SIPA1L3: variants seen among roughly 807,000 people sequenced by gnomAD.
SIPA1L3 encodes signal induced proliferation associated 1 like 3, also known as signal-induced proliferation-associated 1-like protein 3.
SIPA1L3 carries 59 observed loss-of-function variants against 150.1 expected under a neutral mutation model. That is an observed-to-expected ratio of 0.39 (90% CI 0.32 to 0.49). The LOEUF is 0.49. Ranked by LOEUF, SIPA1L3 falls within the 20% of genes least tolerant of loss-of-function variation. The pLI, the probability that SIPA1L3 is intolerant of heterozygous loss-of-function variation, is 0.86. For missense variants in SIPA1L3, 2,211 were observed against 2,489.5 expected (o/e 0.89, Z 2.38); for synonymous variants, 1,070 against 1,077.6 (o/e 0.99, Z 0.14).
Position 38,081,705 on chromosome 19 carries a change from C to T in SIPA1L3, c.140C>T (p.Ser47Phe). Reference protein sequence around the residue: ...LGFWAQNGSMSQPLGESPATA... With the variant: ...LGFWAQNGSMFQPLGESPATA... Reference sequence around the variant, plus strand: ...TTCTGGGCCCAGAATGGCAGCATGTCCCAGCCTCTTGGCGAGAGCCCGGCC... The same window carrying T: ...TTCTGGGCCCAGAATGGCAGCATGTTCCAGCCTCTTGGCGAGAGCCCGGCC... The change falls in exon 3 of 22, where the codon TCC (serine) becomes TTC (phenylalanine). Residue 47 changes from serine to phenylalanine, a missense_variant. Ser to Phe is a radical substitution (Grantham distance 155). Transcript: ENST00000222345. 1.2e-6 allele frequency: 2 copies of T among 1,610,774 alleles called. No individual in the cohort carries two copies. The highest frequency in any genetic ancestry group is 1.7e-6 in the Non-Finnish European group (2 of 1,179,434).
intron 1 of SIPA1L3, among the ~76,000 whole-genome samples, chr19:37,972,336 C>CA (rs1454286005): frequency 1.4e-4 from 21 of 152,060 alleles, no homozygotes; most frequent in African/African-American, 4.6e-4. Context: ...TATAGTGTGG[C>CA]AAAATCCATT....
intron 4 of SIPA1L3, among the ~76,000 whole-genome samples, chr19:38,090,757 A>T (rs1477467285): frequency 1.3e-5 from 2 of 152,202 alleles, no homozygotes; most frequent in African/African-American, 4.8e-5. Context: ...CAAGGACTTG[A>T]CTGTGGGGCC....
chr19:38,117,263 C>T (rs1387477690), intron 8 of SIPA1L3, among the ~76,000 whole-genome samples: 2 of 152,184 alleles, frequency 1.3e-5, no homozygotes, highest in East Asian at 3.9e-4. Flanking sequence ...TGGCTGCTCG[C>T]CGGGCTCTTC....
At chr19:38,131,891 A>G (rs533999529) in intron 10 of SIPA1L3, among the ~76,000 whole-genome samples, 1 of 134,284 alleles carries the variant, frequency 7.4e-6, no homozygotes, top group Non-Finnish European at 1.6e-5. Context: ...TCGGCCTCCC[A>G]AAGTGCTGGA....
At chr19:38,033,584 C>T (rs1055967745) in intron 2 of SIPA1L3, among the ~76,000 whole-genome samples, 3 of 152,048 alleles carry the variant, frequency 2.0e-5, no homozygotes, top group Non-Finnish European at 2.9e-5. Context: ...GGAACTCGGA[C>T]GGCTATGGCA....
intron 9 of SIPA1L3, among the ~76,000 whole-genome samples, chr19:38,127,429 C>T (rs1971201482): frequency 6.6e-6 from 1 of 152,096 alleles, no homozygotes; most frequent in Non-Finnish European, 1.5e-5. Context: ...GTCAAATAAA[C>T]ACATTGTCAC....
intron 2 of SIPA1L3, among the ~76,000 whole-genome samples, chr19:38,044,782 C>T (rs1484336441): frequency 6.6e-6 from 1 of 152,050 alleles, no homozygotes; most frequent in Non-Finnish European, 1.5e-5. Context: ...TTCTATGGAC[C>T]TGGGCTCCTG....
chr19:37,962,463 C>CTTTTTTTTTT (rs71177491), intron 1 of SIPA1L3, among the ~76,000 whole-genome samples: 3,079 of 73,034 alleles, frequency 0.042, 362 homozygotes, highest in East Asian at 0.1. Context: ...TGCAGCCGGC[C>CTTTTTTTTTT]TTTTTTTTTT....
Position 38,081,693 on chromosome 19 carries a change from A to G in SIPA1L3, c.128A>G (p.Asn43Ser), listed in dbSNP as rs771652567. The change falls in exon 3 of 22, where the codon AAT becomes AGT. Residue 43 changes from asparagine (N) to serine (S), a missense_variant. Physicochemically the swap from Asn to Ser is conservative, Grantham distance 46. Around this residue, in one of 5 missense-constraint regions of SIPA1L3, gnomAD observed 130 missense variants for 174.5 expected, o/e 0.74. Transcript: ENST00000222345. The stretch of plus-strand genomic sequence containing the variant: ...GCTCCCTTGGGATTCTGGGCCCAGA[A>G]TGGCAGCATGTCCCAGCCTCTTGGC... ...DYAPLGFWAQ[N>S]GSMSQPLGES... 14 of 1,611,660 alleles carry G rather than the reference A, an allele frequency of 8.7e-6. No individual in the cohort carries two copies. The South Asian group carries it at 1.4e-4, about 16-fold the overall frequency.
At chr19:38,083,623 C>A (rs1320803173) in intron 3 of SIPA1L3, among the ~76,000 whole-genome samples, 1 of 152,112 alleles carries the variant, frequency 6.6e-6, no homozygotes, top group Non-Finnish European at 1.5e-5. Context: ...GAGGCAGGTG[C>A]AGTTTGAGTA....
chr19:38,174,716 G>A (rs992583369), intron 15 of SIPA1L3, among the ~76,000 whole-genome samples: 11 of 152,042 alleles, frequency 7.2e-5, no homozygotes, highest in Non-Finnish European at 1.3e-4. Flanking sequence ...CAGGTGTGGT[G>A]GCGGGTGCCA....
chr19:37,979,844 A>G (rs1967159864), intron 1 of SIPA1L3, among the ~76,000 whole-genome samples: 1 of 152,222 alleles, frequency 6.6e-6, no homozygotes, highest in Admixed American at 6.5e-5. Flanking sequence ...GCTCCCCAAA[A>G]GCAGAGCCCA....
At chr19:37,943,927 T>C (rs1026825122) in intron 1 of SIPA1L3, among the ~76,000 whole-genome samples, 1 of 152,156 alleles carries the variant, frequency 6.6e-6, no homozygotes, top group Non-Finnish European at 1.5e-5. Flanking sequence ...AAAAAATCTT[T>C]ACTGCTTTAA....
chr19:38,077,331 GT>G (rs1293916830), intron 2 of SIPA1L3, among the ~76,000 whole-genome samples: 3 of 152,020 alleles, frequency 2.0e-5, no homozygotes, highest in Admixed American at 6.6e-5. Context: ...TGCATCTGTA[GT>G]CCTAGCTACT....
chr19:37,969,421 G>A (rs1367731718), intron 1 of SIPA1L3, among the ~76,000 whole-genome samples: 1 of 151,372 alleles, frequency 6.6e-6, no homozygotes, highest in African/African-American at 2.4e-5. Flanking sequence ...GCATGGTGGC[G>A]GGTGCCTGTA....
In SIPA1L3 at chr19:38,082,961, G is replaced by C. The variant is rs762531358; in HGVS notation, c.1396G>C (p.Ala466Pro). The C allele has an allele frequency of 6.2e-7, 1 of 1,612,998 alleles. No individual in the cohort carries two copies. The change falls in exon 3 of 22, where the codon GCC (alanine) becomes CCC (proline). Residue 466 changes from alanine to proline, a missense_variant. Transcript: ENST00000222345. ...EGHLAEPALSAYRTNASISVL... is the reference protein window; with the variant it reads ...EGHLAEPALSPYRTNASISVL... ...CCACCTGGCAGAGCCCGCCCTGAGC[G>C]CCTACCGCACCAACGCCAGCATCTC... is the stretch of plus-strand genomic sequence containing the variant.
intron 6 of SIPA1L3, among the ~76,000 whole-genome samples, chr19:38,102,164 AGC>A (rs1341745958): frequency 6.7e-6 from 1 of 149,876 alleles, no homozygotes; most frequent in Non-Finnish European, 1.5e-5. Context: ...CTCCTGCCTC[AGC>A]GTCCCAAGTA....
chr19:38,005,837 C>T (rs1471134942), intron 1 of SIPA1L3, among the ~76,000 whole-genome samples: 1 of 152,148 alleles, frequency 6.6e-6, no homozygotes, highest in Non-Finnish European at 1.5e-5. Flanking sequence ...TGCTGCAGGC[C>T]AGGAGTTCGA....
intron 1 of SIPA1L3, among the ~76,000 whole-genome samples, chr19:37,977,515 A>G (rs1210479730): frequency 6.6e-6 from 1 of 152,156 alleles, no homozygotes; most frequent in Non-Finnish European, 1.5e-5. Flanking sequence ...TCCCTGAGCA[A>G]GAGGAAGCCA....
Sources: allele counts gnomAD v4.1 joint callset (sites outside exome capture counted in the v4.1 genomes callset), GRCh38; gene constraint gnomAD v4.1.1; regional missense constraint gnomAD v4.1.1; transcripts MANE v1.5; gene names NCBI Gene and HGNC (gene_info 2026-07-23, HGNC 2026-07-21).